The following KIN variants were observed in gnomAD, a reference collection of about 807,000 sequenced individuals.
KIN encodes the protein Kin17 DNA and RNA binding protein.
Under a neutral mutation model 63.0 loss-of-function variants are expected in KIN, and 47 were observed. The observed-to-expected ratio is 0.75, with a 90% CI of 0.59 to 0.95. The LOEUF is 0.95. Among genes scored for constraint, KIN ranks in the 40% least tolerant of loss-of-function variants. The pLI is 0.00. For synonymous variants in KIN, 160 were observed against 157.7 expected (o/e 1.01, Z -0.11); for missense variants, 408 against 460.9 (o/e 0.89, Z 1.05).
At chr10:7,774,104 C>T (rs542293707) in intron 7 of KIN, among the ~76,000 whole-genome samples, 2 of 152,302 alleles carry the variant, frequency 1.3e-5, no homozygotes, top group South Asian at 4.1e-4. Flanking sequence ...ACTACAACAG[C>T]AGAGTTCAGT....
intron 9 of KIN, among the ~76,000 whole-genome samples, chr10:7,764,870 G>C (rs1835509725): frequency 6.6e-6 from 1 of 152,102 alleles, no homozygotes; most frequent in Non-Finnish European, 1.5e-5. Flanking sequence ...TAAAAACTAG[G>C]CACAGTGGGC....
rs766890622 is a variant in KIN at position 7,780,193 on chromosome 10, T to C, written c.254-15A>G. The C allele has an allele frequency of 3.1e-5, 50 of 1,612,238 alleles. No homozygotes were observed. The highest frequency in any genetic ancestry group is 4.0e-5 in the Non-Finnish European group (47 of 1,179,102). On this transcript the variant is annotated splice_polypyrimidine_tract_variant and intron_variant, in intron 3 of 12. Coordinates refer to ENST00000379562, the MANE Select transcript of KIN (RefSeq NM_012311.4). ...CCTTTTAGTGCCTGAGAACAAAATATGACACTGATGATCATCAGAAGATTA... is the reference window on the plus strand; with the variant it reads ...CCTTTTAGTGCCTGAGAACAAAATACGACACTGATGATCATCAGAAGATTA...
chr10:7,777,218 A>C (rs979234406), intron 5 of KIN, among the ~76,000 whole-genome samples: 1 of 151,118 alleles, frequency 6.6e-6, no homozygotes, highest in African/African-American at 2.4e-5. Context: ...CAAAAATATA[A>C]GGCAATAAAC....
At chr10:7,760,772 T>C (rs1835422145) in intron 11 of KIN, among the ~76,000 whole-genome samples, 1 of 152,178 alleles carries the variant, frequency 6.6e-6, no homozygotes, top group African/African-American at 2.4e-5. Flanking sequence ...GGAAAAAACA[T>C]AGTATATATA....
chr10:7,779,756 G>T (rs11255362), intron 4 of KIN, among the ~76,000 whole-genome samples: 1 of 152,162 alleles, frequency 6.6e-6, no homozygotes, highest in Non-Finnish European at 1.5e-5. Context: ...AGGGACTTGA[G>T]TATCTGTGAA....
In KIN at chr10:7,753,039, A is replaced by T. The variant is rs1835267597; in HGVS notation, c.*3041T>A. 1 of 151,104 alleles carries T rather than the reference A, an allele frequency of 6.6e-6. No individual in the cohort carries two copies. Among genetic ancestry groups the T allele is most frequent in the Non-Finnish European group, 1.5e-5 (1 of 67,344 alleles). 9.4% of individuals were successfully genotyped at this position (151,104 alleles called of 1,614,324 possible). A position where few individuals can be genotyped will look rare whatever the true frequency, so the allele number is the denominator to read the frequency against. ...TGTCAAAACCCACAGAGACTGCTCT[A>T]AAAAGTAAAGTCTATGTTTGAAATA... On this transcript the variant is annotated 3_prime_UTR_variant, in exon 13 of 13. Transcript: ENST00000379562.
At chr10:7,771,555 G>A (rs1835665640) in intron 7 of KIN, among the ~76,000 whole-genome samples, 1 of 152,122 alleles carries the variant, frequency 6.6e-6, no homozygotes, top group Non-Finnish European at 1.5e-5. Flanking sequence ...ATTAATCTCA[G>A]CTTAGACACT....
chr10:7,766,217 A>G (rs1835540928), intron 8 of KIN, 114 bp from the exon 9 acceptor site: 1 of 589,814 alleles, frequency 1.7e-6, no homozygotes, highest in Non-Finnish European at 3.0e-6. Flanking sequence ...TACTTCACAG[A>G]AGACCAATGA....
intron 7 of KIN, 83 bp downstream of exon 7, chr10:7,774,748 G>T: frequency 1.9e-6 from 2 of 1,076,914 alleles, no homozygotes; most frequent in South Asian, 1.4e-5. Flanking sequence ...AGAAAAAAAT[G>T]ATTCACAATA....
At position 7,778,599 on chromosome 10, in the gene KIN, C is replaced by A. The variant is rs865906471; in HGVS notation, c.558+239G>T. The stretch of plus-strand genomic sequence containing the variant: ...ACTAACAATACAAAAATTATCTGGG[C>A]GTGGTGGCGGGCGCCTGTAGTTCCA... On this transcript the variant is annotated intron_variant, in intron 5 of 12. Coordinates refer to ENST00000379562, the MANE Select transcript of KIN (RefSeq NM_012311.4). Among the ~76,000 whole-genome samples, 3 of 152,198 alleles carry A rather than the reference C, an allele frequency of 2.0e-5. No homozygotes were observed. In the East Asian group the frequency reaches 5.8e-4, roughly 29 times the overall value.
At chr10:7,775,052 G>A (rs532702067) in intron 6 of KIN, among the ~76,000 whole-genome samples, 161 bp from the exon 7 acceptor site, 68 of 152,256 alleles carry the variant, frequency 4.5e-4, no homozygotes, top group African/African-American at 1.6e-3. Context: ...CCTGTAAAAC[G>A]TCCCACACTG....
chr10:7,759,632 GATTA>G (rs1468982855), intron 12 of KIN, among the ~76,000 whole-genome samples: 1 of 151,898 alleles, frequency 6.6e-6, no homozygotes, highest in Non-Finnish European at 1.5e-5. Flanking sequence ...GGGGGACTAT[GATTA>G]ATTTTTATAA....
chr10:7,773,164 C>T (rs1304057037), intron 7 of KIN, among the ~76,000 whole-genome samples: 1 of 152,176 alleles, frequency 6.6e-6, no homozygotes, highest in African/African-American at 2.4e-5. Context: ...ACAGATTCTT[C>T]CCCGGAGCTC....
Position 7,751,888 on chromosome 10 carries a change from A to G in KIN, c.*4192T>C, listed in dbSNP as rs1187758387. 7.0e-5 allele frequency: 2 copies of G among 28,634 alleles called. 1 individual carries two copies. Among genetic ancestry groups the G allele is most frequent in the Non-Finnish European group, 1.3e-4 (2 of 14,880 alleles). The allele number at this position is 28,634 out of a possible 1,614,324, so 1.8% of individuals were successfully genotyped here. ...CGATGTACTAAAAATACAAAAAATT[A>G]GCCGGGCGCGGTGGCGGGCGCCTGT... is the stretch of plus-strand genomic sequence containing the variant. On this transcript the variant is annotated 3_prime_UTR_variant, in exon 13 of 13. Coordinates refer to ENST00000379562, the MANE Select transcript of KIN (RefSeq NM_012311.4).
intron 5 of KIN, among the ~76,000 whole-genome samples, chr10:7,777,308 A>T (rs2131021259): frequency 6.6e-6 from 1 of 151,710 alleles, no homozygotes; most frequent in South Asian, 2.1e-4. Context: ...ATCGTGGTAT[A>T]CTGGAACAAT....
rs891888833 is a variant in KIN at position 7,787,993 on chromosome 10, C to G, written c.-60G>C. 4 of 1,419,106 alleles carry G rather than the reference C, an allele frequency of 2.8e-6. No homozygotes were observed. Among genetic ancestry groups the G allele is most frequent in the Non-Finnish European group, 4.0e-6 (4 of 1,002,626 alleles). 87.9% of individuals were successfully genotyped at this position (1,419,106 alleles called of 1,614,324 possible). A position where few individuals can be genotyped will look rare whatever the true frequency, so the allele number is the denominator to read the frequency against. On this transcript the variant is annotated 5_prime_UTR_variant, in exon 1 of 13. Coordinates refer to ENST00000379562, the MANE Select transcript of KIN (RefSeq NM_012311.4). ...GTACTCAGCCAGCCGGAAACGGAAC[C>G]GGGCTGGCGGCGGTGGGCGGGACAA...
At chr10:7,768,431 G>T (rs112803542) in intron 8 of KIN, among the ~76,000 whole-genome samples, 36 of 152,228 alleles carry the variant, frequency 2.4e-4, no homozygotes, top group Admixed American at 1.6e-3. Context: ...TGAGGCAGGA[G>T]AATCTCTTGA....
At chr10:7,780,352 A>G (rs757008257) in intron 2 of KIN, 45 bp from the exon 3 acceptor site, 1 of 1,457,082 alleles carries the variant, frequency 6.9e-7, no homozygotes, top group Middle Eastern at 2.1e-4. Context: ...TTCTACAAAC[A>G]TATAGCATCA....
chr10:7,775,896 A>T (rs1222108980), intron 5 of KIN, 97 bp from the exon 6 acceptor site: 2 of 694,416 alleles, frequency 2.9e-6, no homozygotes, highest in South Asian at 3.6e-5. Flanking sequence ...GTTCCCAGGC[A>T]GCTCTAATAC....
Sources: allele counts gnomAD v4.1 joint callset (sites outside exome capture counted in the v4.1 genomes callset), GRCh38; gene constraint gnomAD v4.1.1; transcripts MANE v1.5; gene names NCBI Gene and HGNC (gene_info 2026-07-23, HGNC 2026-07-21).